The following TRAPPC3L variants were observed in gnomAD, a reference collection of about 807,000 sequenced individuals.
TRAPPC3L encodes trafficking protein particle complex subunit 3L.
Under a neutral mutation model 23.7 loss-of-function variants are expected in TRAPPC3L, and 23 were observed. That is an observed-to-expected ratio of 0.97 (90% CI 0.70 to 1.37). TRAPPC3L has a LOEUF of 1.37. Among genes scored for constraint, TRAPPC3L ranks in the 40% most tolerant of loss-of-function variants. The pLI is 0.00. For missense variants in TRAPPC3L, 212 were observed against 216.8 expected, an observed-to-expected ratio of 0.98 and a Z score of 0.14; for synonymous variants, 81 against 77.9, an observed-to-expected ratio of 1.04 and a Z score of -0.21.
intron 3 of TRAPPC3L, chr6:116,523,983 A>G (rs1562343612): frequency 6.6e-6 from 1 of 152,224 alleles, no homozygotes; most frequent in Non-Finnish European, 1.5e-5. Context: ...CTGTAACAAG[A>G]TATCTTTGAG....
chr6:116,540,415 G>C lies in TRAPPC3L; in HGVS notation c.188C>G (p.Ser63Cys). Residue 63 changes from serine (S) to cysteine (C), a missense_variant, in exon 3 of 5, where the codon TCC becomes TGC. Physicochemically the swap from Ser to Cys is moderately radical, Grantham distance 112. Transcript: ENST00000368602. The part of the protein sequence containing the change: ...TRLVEDFLAR[S>C]CVGRCHSYSE... ...ATAACTATGGCATCTTCCCACGCAG[G>C]ATCGAGCCAAAAAGTCTTCCACAAG... The C allele has an allele frequency of 6.4e-7, 1 of 1,551,288 alleles. No individual in the cohort carries two copies. Among genetic ancestry groups the C allele is most frequent in the Non-Finnish European group, 8.7e-7 (1 of 1,146,740 alleles).
chr6:116,505,579 G>T (rs1009095093), intron 3 of TRAPPC3L, among the ~76,000 whole-genome samples: 2 of 152,120 alleles, frequency 1.3e-5, no homozygotes, highest in Admixed American at 6.6e-5. Context: ...TAAGCAAAAA[G>T]AACAAAGCTG....
At chr6:116,525,017 T>C (rs1411637003) in intron 3 of TRAPPC3L, among the ~76,000 whole-genome samples, 1 of 152,190 alleles carries the variant, frequency 6.6e-6, no homozygotes, top group East Asian at 1.9e-4. Flanking sequence ...GCTAAGGTGG[T>C]TATGCCACTG....
At chr6:116,516,001 T>A (rs1772218161) in intron 3 of TRAPPC3L, 1 of 1,572,782 alleles carries the variant, frequency 6.4e-7, no homozygotes, top group African/African-American at 1.4e-5. Context: ...TCATCCACCA[T>A]CAATGACTCA....
At position 116,530,740 on chromosome 6, in the gene TRAPPC3L, A is replaced by G. The variant is rs914561256; in HGVS notation, c.240+9623T>C. Among the ~76,000 whole-genome samples the G allele has an allele frequency of 2.0e-4, 31 of 151,838 alleles. 1 individual carries two copies. The highest frequency in any genetic ancestry group is 2.9e-5 in the Non-Finnish European group (2 of 67,976). ...TATTATTATCTGCAAATGTATAACA[A>G]AGACAGTTTTGTCTACTTCAATACC... On this transcript the variant is annotated intron_variant, in intron 3 of 4. Coordinates refer to ENST00000368602, the MANE Select transcript of TRAPPC3L (RefSeq NM_001139444.3).
intron 3 of TRAPPC3L, among the ~76,000 whole-genome samples, chr6:116,526,824 A>C (rs955550041): frequency 2.6e-5 from 4 of 152,190 alleles, no homozygotes; most frequent in Non-Finnish European, 5.9e-5. Context: ...TACATTAATA[A>C]ATAGCAAAGC....
Position 116,497,069 on chromosome 6 carries a change from T to C in TRAPPC3L, c.431A>G (p.His144Arg). 1 of 1,540,374 alleles carries C rather than the reference T, an allele frequency of 6.5e-7. No homozygotes were observed. The highest frequency in any genetic ancestry group is 8.7e-7 in the Non-Finnish European group (1 of 1,143,608). The change falls in exon 5 of 5, where the codon CAT (histidine) becomes CGT (arginine). Residue 144 changes from histidine to arginine, a missense_variant. By Grantham distance (29) the His-to-Arg change is conservative. Coordinates refer to ENST00000368602, the MANE Select transcript of TRAPPC3L (RefSeq NM_001139444.3). ...GIIRGALEMV[H>R]LAADVTFLQD... ...CAAGAATGTAACATCAGCCGCCAAATGAACCTAGGAAAGAAGAAAAAAACA... is the reference window on the plus strand; with the variant it reads ...CAAGAATGTAACATCAGCCGCCAAACGAACCTAGGAAAGAAGAAAAAAACA...
chr6:116,512,667 T>C (rs1391950766), intron 3 of TRAPPC3L, among the ~76,000 whole-genome samples: 1 of 152,240 alleles, frequency 6.6e-6, no homozygotes, highest in African/African-American at 2.4e-5. Flanking sequence ...AAAATGTAGC[T>C]GAATGAAATG....
At chr6:116,511,747 T>C (rs150282208) in intron 3 of TRAPPC3L, 369 of 1,613,998 alleles carry the variant, frequency 2.3e-4, no homozygotes, top group Non-Finnish European at 3.0e-4. Context: ...AGAAAACTGT[T>C]ATTGGCTACA....
intron 3 of TRAPPC3L, among the ~76,000 whole-genome samples, chr6:116,539,024 A>G (rs1393376329): frequency 6.6e-6 from 1 of 152,130 alleles, no homozygotes; most frequent in African/African-American, 2.4e-5. Flanking sequence ...AAAGATCAAG[A>G]GGGAGTCATT....
chr6:116,516,049 A>G, intron 3 of TRAPPC3L: 1 of 1,503,188 alleles, frequency 6.7e-7, no homozygotes, highest in Non-Finnish European at 8.9e-7. Context: ...GATCCTCCTA[A>G]CGTATCACCA....
intron 3 of TRAPPC3L, among the ~76,000 whole-genome samples, chr6:116,513,192 G>A (rs1280143899): frequency 1.3e-5 from 2 of 152,096 alleles, no homozygotes; most frequent in African/African-American, 2.4e-5. Flanking sequence ...TTTTCGACAA[G>A]GATTTGCCTT....
chr6:116,514,007 A>T (rs1772174929), intron 3 of TRAPPC3L, among the ~76,000 whole-genome samples: 1 of 152,166 alleles, frequency 6.6e-6, no homozygotes, highest in Non-Finnish European at 1.5e-5. Flanking sequence ...GAGATGATAG[A>T]TACAAATGGG....
At chr6:116,501,135 C>T (rs1771906180) in intron 3 of TRAPPC3L, among the ~76,000 whole-genome samples, 2 of 152,164 alleles carry the variant, frequency 1.3e-5, no homozygotes, top group Admixed American at 6.5e-5. Context: ...CACTTCTGCC[C>T]AAATACTGAG....
At chr6:116,522,985 G>A (rs1772373026) in intron 3 of TRAPPC3L, 1 of 151,576 alleles carries the variant, frequency 6.6e-6, no homozygotes, top group African/African-American at 2.4e-5. Flanking sequence ...ATTAAAATGT[G>A]GATTGCTGAA....
intron 1 of TRAPPC3L, chr6:116,543,932 C>A: frequency 1.6e-6 from 2 of 1,271,178 alleles, no homozygotes; most frequent in Non-Finnish European, 2.2e-6. Context: ...CCTTATAGTT[C>A]TCCAAAATAT....
chr6:116,497,874 T>C (rs1420363753), intron 4 of TRAPPC3L, among the ~76,000 whole-genome samples: 1 of 152,196 alleles, frequency 6.6e-6, no homozygotes, highest in Admixed American at 6.5e-5. Context: ...AGGCAATTAA[T>C]TGATGTTTAT....
chr6:116,527,519 C>CAAAA (rs34686241), intron 3 of TRAPPC3L, among the ~76,000 whole-genome samples: 55 of 112,370 alleles, frequency 4.9e-4, no homozygotes, highest in African/African-American at 1.0e-3. Context: ...CGTCTCAAAA[C>CAAAA]AAAAAAAAAA....
chr6:116,543,528 T>C, intron 1 of TRAPPC3L, 128 bp from the exon 2 acceptor site: 1 of 792,900 alleles, frequency 1.3e-6, no homozygotes, highest in South Asian at 1.9e-5. Flanking sequence ...CTTCCTCCTA[T>C]TATTGCAACA....
Sources: gnomAD v4.1 joint callset for allele counts (sites outside exome capture counted in the v4.1 genomes callset) on GRCh38, gnomAD v4.1.1 for gene constraint, MANE v1.5 for transcripts, NCBI Gene and HGNC (gene_info 2026-07-23, HGNC 2026-07-21) for gene names.